KCNJ3: variants seen among roughly 807,000 people sequenced by gnomAD.
KCNJ3 encodes the protein potassium inwardly rectifying channel subfamily J member 3, also known as G protein-activated inward rectifier potassium channel 1.
In KCNJ3, 4 loss-of-function variants were observed where a neutral mutation model predicts 39.2. The ratio of observed to expected loss-of-function variants is 0.10; its 90% CI spans 0.05 to 0.23. The LOEUF is 0.23. Among genes scored for constraint, KCNJ3 ranks in the 10% least tolerant of loss-of-function variants. The probability of loss-of-function intolerance (pLI) is 1.00; values close to 1 mark genes in which losing one functional copy is unlikely to be tolerated. For synonymous variants in KCNJ3, 230 were observed against 237.4 expected (o/e 0.97, Z 0.29); for missense variants, 276 against 634.9 (o/e 0.43, Z 6.08).
chr2:154,817,668 T>C (rs919402723), intron 2 of KCNJ3, among the ~76,000 whole-genome samples: 2 of 152,136 alleles, frequency 1.3e-5, no homozygotes, highest in Non-Finnish European at 2.9e-5. Flanking sequence ...TTTTGTCTAG[T>C]CAACTGAAAT....
intron 2 of KCNJ3, among the ~76,000 whole-genome samples, chr2:154,778,553 C>T (rs1435420847): frequency 6.6e-6 from 1 of 151,962 alleles, no homozygotes; most frequent in Non-Finnish European, 1.5e-5. Flanking sequence ...AAACTCTTAG[C>T]CTATTACATT....
chr2:154,766,010 G>C (rs1172244888), intron 2 of KCNJ3, among the ~76,000 whole-genome samples: 1 of 152,024 alleles, frequency 6.6e-6, no homozygotes, highest in African/African-American at 2.4e-5. Flanking sequence ...AAGTAACCGT[G>C]GTTACTAAAG....
In KCNJ3 at chr2:154,858,326, G is replaced by A. The variant is rs1316374181; in HGVS notation, c.*3013G>A. 1 of 152,072 alleles carries A rather than the reference G, an allele frequency of 6.6e-6. No individual in the cohort carries two copies. Among genetic ancestry groups the A allele is most frequent in the South Asian group, 2.1e-4 (1 of 4,826 alleles). 9.4% of individuals were successfully genotyped at this position (152,072 alleles called of 1,614,324 possible). ...TAAATTATGAAGTCTGATATATTTG[G>A]ATAAAAATAAAGAATTGCTTTTCTT... On this transcript the variant is annotated 3_prime_UTR_variant, in exon 3 of 3. Transcript: ENST00000295101.
intron 2 of KCNJ3, among the ~76,000 whole-genome samples, chr2:154,850,529 G>A (rs1352452381): frequency 6.6e-6 from 1 of 152,050 alleles, no homozygotes; most frequent in Admixed American, 6.6e-5. Flanking sequence ...ATGCAGATTG[G>A]CAAACATAGA....
intron 2 of KCNJ3, among the ~76,000 whole-genome samples, chr2:154,716,858 T>G (rs1685189331): frequency 6.6e-6 from 1 of 152,210 alleles, no homozygotes; most frequent in Admixed American, 6.5e-5. Context: ...TCTTGTGAAT[T>G]TTTTCTTACA....
At chr2:154,848,329 T>C (rs929936776) in intron 2 of KCNJ3, among the ~76,000 whole-genome samples, 9 of 152,184 alleles carry the variant, frequency 5.9e-5, no homozygotes, top group Non-Finnish European at 1.3e-4. Context: ...AATAAAATCT[T>C]ATTTACAGTT....
At chr2:154,728,787 A>G (rs1430662493) in intron 2 of KCNJ3, among the ~76,000 whole-genome samples, 1 of 152,168 alleles carries the variant, frequency 6.6e-6, no homozygotes, top group East Asian at 1.9e-4. Context: ...ATTCTGGGCC[A>G]GTTGAATAAC....
chr2:154,731,730 A>G (rs1036667185), intron 2 of KCNJ3, among the ~76,000 whole-genome samples: 6 of 151,706 alleles, frequency 4.0e-5, no homozygotes, highest in African/African-American at 1.5e-4. Context: ...AAAGAGAGAC[A>G]CAGTTTTTGT....
At chr2:154,836,229 C>CA (rs67183820) in intron 2 of KCNJ3, among the ~76,000 whole-genome samples, 99 of 141,250 alleles carry the variant, frequency 7.0e-4, no homozygotes, top group African/African-American at 1.9e-3. Context: ...CAAAAAAAAA[C>CA]AAAAAAAAAA....
intron 2 of KCNJ3, among the ~76,000 whole-genome samples, chr2:154,780,635 A>G (rs1393939333): frequency 6.6e-6 from 1 of 152,130 alleles, no homozygotes; most frequent in African/African-American, 2.4e-5. Flanking sequence ...CCTGAGTTCC[A>G]GCTCGCACGG....
chr2:154,722,414 G>C (rs939534542), intron 2 of KCNJ3, among the ~76,000 whole-genome samples: 5 of 152,218 alleles, frequency 3.3e-5, no homozygotes, highest in African/African-American at 1.2e-4. Flanking sequence ...AGTGAGACTT[G>C]GCAAAGAAGG....
intron 2 of KCNJ3, among the ~76,000 whole-genome samples, chr2:154,733,562 G>A (rs1394327460): frequency 1.3e-5 from 2 of 152,118 alleles, no homozygotes; most frequent in African/African-American, 2.4e-5. Context: ...GTGAATGAAT[G>A]CTTATATAAT....
At chr2:154,784,910 AT>A (rs1227631483) in intron 2 of KCNJ3, among the ~76,000 whole-genome samples, 1 of 152,218 alleles carries the variant, frequency 6.6e-6, no homozygotes, top group Non-Finnish European at 1.5e-5. Context: ...CATTGTGAGT[AT>A]TAAATGATTT....
intron 2 of KCNJ3, among the ~76,000 whole-genome samples, chr2:154,728,200 T>C (rs1685391797): frequency 6.6e-6 from 1 of 152,232 alleles, no homozygotes; most frequent in African/African-American, 2.4e-5. Context: ...TGGTTATTCA[T>C]TGTGACCTCA....
rs955281177 is a variant in KCNJ3 at position 154,832,106 on chromosome 2, G to T, written c.920-22621G>T. ...AACTTACCACCAATACATTCATGGAGAATGCATTGCACCAAGACATTCATG... is the reference window on the plus strand; with the variant it reads ...AACTTACCACCAATACATTCATGGATAATGCATTGCACCAAGACATTCATG... On this transcript the variant is annotated intron_variant, in intron 2 of 2. Transcript: ENST00000295101. Among the ~76,000 whole-genome samples, 5 of 152,194 alleles carry T rather than the reference G, an allele frequency of 3.3e-5. No homozygotes were observed. The East Asian group carries it at 7.7e-4, about 24-fold the overall frequency.
rs1050576202 is a variant in KCNJ3, at chr2:154,855,416, C to T, written c.*103C>T. ...AGGAATCTGAAAGTATATTTTCCTC[C>T]CAGTTCTACAAGCATATTTGAGAAC... On this transcript the variant is annotated 3_prime_UTR_variant, in exon 3 of 3. Coordinates refer to ENST00000295101, the MANE Select transcript of KCNJ3 (RefSeq NM_002239.4). 9.9e-5 allele frequency: 80 copies of T among 809,076 alleles called. No individual in the cohort carries two copies. The highest frequency in any genetic ancestry group is 1.3e-4 in the Non-Finnish European group (67 of 519,116). 50.1% of individuals were successfully genotyped at this position (809,076 alleles called of 1,614,324 possible). A position where few individuals can be genotyped will look rare whatever the true frequency, so the allele number is the denominator to read the frequency against.
In KCNJ3 at chr2:154,800,638, C is replaced by T. The variant is rs150166407; in HGVS notation, c.920-54089C>T. On this transcript the variant is annotated intron_variant, in intron 2 of 2. Transcript: ENST00000295101. ...TGTTTTGCATTTTTTCTTATTTCTGCCAACCTCTTTATACTATCTTGTTCA... is the reference window on the plus strand; with the variant it reads ...TGTTTTGCATTTTTTCTTATTTCTGTCAACCTCTTTATACTATCTTGTTCA... Among the ~76,000 whole-genome samples the T allele has an allele frequency of 3.1e-3, 474 of 152,240 alleles. 4 individuals are homozygous for T. Among genetic ancestry groups the T allele is most frequent in the African/African-American group, 0.011 (459 of 41,528 alleles).
At chr2:154,709,003 T>C (rs1161550185) in intron 1 of KCNJ3, among the ~76,000 whole-genome samples, 5 of 152,218 alleles carry the variant, frequency 3.3e-5, no homozygotes, top group Non-Finnish European at 7.3e-5. Flanking sequence ...TAACAACATC[T>C]GCCATTTATT....
At chr2:154,757,068 T>C (rs1165425880) in intron 2 of KCNJ3, among the ~76,000 whole-genome samples, 1 of 152,112 alleles carries the variant, frequency 6.6e-6, no homozygotes, top group Non-Finnish European at 1.5e-5. Context: ...TATTTTTAAA[T>C]GTCAAAGTAT....
Sources: allele counts gnomAD v4.1 joint callset (sites outside exome capture counted in the v4.1 genomes callset), GRCh38; gene constraint gnomAD v4.1.1; transcripts MANE v1.5; gene names NCBI Gene and HGNC (gene_info 2026-07-23, HGNC 2026-07-21).